The following USH2A variants were observed in gnomAD, a reference collection of about 807,000 sequenced individuals.
USH2A encodes the protein Usher syndrome 2A (autosomal recessive, mild).
USH2A carries 443 observed loss-of-function variants against 538.9 expected under a neutral mutation model. The observed-to-expected ratio is 0.82, with a 90% CI of 0.76 to 0.89. The LOEUF is 0.89. Among genes scored for constraint, USH2A ranks in the 40% least tolerant of loss-of-function variants. The pLI is 0.00. For missense variants in USH2A, 6,633 were observed against 6,324.8 expected, an observed-to-expected ratio of 1.05 and a Z score of -1.65; for synonymous variants, 2,413 against 2,273.5, an observed-to-expected ratio of 1.06 and a Z score of -1.75.
intron 11 of USH2A, among the ~76,000 whole-genome samples, chr1:216,252,799 G>A (rs1214461338): frequency 6.6e-6 from 1 of 152,164 alleles, no homozygotes; most frequent in Non-Finnish European, 1.5e-5. Flanking sequence ...CATTACTCAA[G>A]ACAGAGATTT....
At chr1:215,638,048 G>A (rs1052231900) in intron 69 of USH2A, among the ~76,000 whole-genome samples, 16 of 152,178 alleles carry the variant, frequency 1.1e-4, no homozygotes, top group South Asian at 8.3e-4. Context: ...TAAATTACCC[G>A]ATATCAACAG....
chr1:216,173,856 T>C (rs549720227), intron 21 of USH2A: 2 of 645,562 alleles, frequency 3.1e-6, no homozygotes, highest in African/African-American at 2.0e-5. Context: ...AAGCCAAATA[T>C]TGGATCAGGG....
intron 38 of USH2A, chr1:215,901,194 T>C (rs1257876174): frequency 2.3e-6 from 1 of 440,006 alleles, no homozygotes; most frequent in Admixed American, 3.5e-5. Flanking sequence ...ATTGAAAACA[T>C]GGAGGGAATT....
intron 21 of USH2A, among the ~76,000 whole-genome samples, chr1:216,118,530 A>G (rs2033060243): frequency 6.6e-6 from 1 of 152,100 alleles, no homozygotes; most frequent in Non-Finnish European, 1.5e-5. Flanking sequence ...AGTCCAGTAA[A>G]TCCTTACTCT....
At chr1:216,246,542 G>C (rs761828882) in intron 13 of USH2A, 43 bp downstream of exon 13, 1 of 1,613,448 alleles carries the variant, frequency 6.2e-7, no homozygotes, top group Non-Finnish European at 8.5e-7. Context: ...TTAACAAAAG[G>C]AATGTCATTG....
intron 32 of USH2A, among the ~76,000 whole-genome samples, chr1:216,015,243 G>A (rs926113253): frequency 2.4e-4 from 37 of 152,044 alleles, no homozygotes; most frequent in African/African-American, 7.7e-4. Context: ...ACACATCTTC[G>A]GCAGCAAACC....
chr1:215,634,727 G>A (rs755529190), intron 69 of USH2A, 24 bp from the exon 70 acceptor site: 1 of 1,614,176 alleles, frequency 6.2e-7, no homozygotes, highest in Admixed American at 1.7e-5. Context: ...AGAAAGAAAG[G>A]GGAAATGTTA....
rs768354522 is a variant in USH2A, at chr1:215,844,304, T to C, written c.9248A>G (p.Tyr3083Cys). ...AAACAATGTTCTAACCTGAATGTCA[T>C]AGATAGTGAAGGGAGACAGGTCTCT... is the stretch of plus-strand genomic sequence containing the variant. ...ILRDLSPFTI[Y>C]DIQVEVCTIY... is the part of the protein sequence containing the mutation. The change falls in exon 46 of 72, where the codon TAT (tyrosine) becomes TGT (cysteine). Residue 3083 changes from tyrosine (Y) to cysteine (C), a missense_variant. Physicochemically the swap from Tyr to Cys is radical, Grantham distance 194. Coordinates refer to ENST00000307340, the MANE Select transcript of USH2A (RefSeq NM_206933.4). 3.1e-6 allele frequency: 5 copies of C among 1,613,598 alleles called. No homozygotes were observed. The highest frequency in any genetic ancestry group is 1.3e-5 in the African/African-American group (1 of 75,036).
chr1:216,096,569 T>G (rs2032445625), intron 22 of USH2A, among the ~76,000 whole-genome samples: 1 of 152,216 alleles, frequency 6.6e-6, no homozygotes, highest in South Asian at 2.1e-4. Flanking sequence ...AATCTTTATT[T>G]TGATACAATT....
Position 215,844,622 on chromosome 1 carries a change from G to T in USH2A, c.9056-126C>A, listed in dbSNP as rs1438760252. On this transcript the variant is annotated intron_variant, in intron 45 of 71. Transcript: ENST00000307340. ...CGCTTATCTGCTTTTCGCTGATGAA[G>T]TTATCACAGTCTGTAGTCCTCTGTA... The T allele has an allele frequency of 1.3e-5, 12 of 955,610 alleles. No homozygotes were observed. The East Asian group carries it at 3.1e-4, about 25-fold the overall frequency. The allele number at this position is 955,610 out of a possible 1,614,324, so 59.2% of individuals were successfully genotyped here.
chr1:216,363,561 T>A (rs2038536335), intron 4 of USH2A, among the ~76,000 whole-genome samples: 1 of 152,078 alleles, frequency 6.6e-6, no homozygotes, highest in Non-Finnish European at 1.5e-5. Context: ...GATTGATAGA[T>A]TGATGGTTGA....
At chr1:215,839,575 T>A (rs1663619867) in intron 46 of USH2A, among the ~76,000 whole-genome samples, 1 of 152,158 alleles carries the variant, frequency 6.6e-6, no homozygotes, top group Admixed American at 6.5e-5. Flanking sequence ...TTTCTTTTGA[T>A]TCATTGGTCA....
At chr1:215,823,784 T>C (rs1663078515) in intron 47 of USH2A, among the ~76,000 whole-genome samples, 1 of 152,010 alleles carries the variant, frequency 6.6e-6, no homozygotes, top group African/African-American at 2.4e-5. Flanking sequence ...CTCAAGTTTG[T>C]TGATGCTTTC....
intron 58 of USH2A, among the ~76,000 whole-genome samples, chr1:215,758,141 C>G (rs1039083164): frequency 6.6e-6 from 1 of 151,986 alleles, no homozygotes; most frequent in Admixed American, 6.6e-5. Context: ...ACAAAATTAG[C>G]CGGGCATGGT....
chr1:216,064,605 G>C (rs533795059), intron 30 of USH2A, among the ~76,000 whole-genome samples: 6 of 151,794 alleles, frequency 4.0e-5, no homozygotes, highest in Non-Finnish European at 8.8e-5. Flanking sequence ...ATAATGTTTT[G>C]GTCAACAACA....
At chr1:215,784,627 G>T (rs920171215) in intron 52 of USH2A, among the ~76,000 whole-genome samples, 1 of 152,128 alleles carries the variant, frequency 6.6e-6, no homozygotes, top group Non-Finnish European at 1.5e-5. Context: ...GTCAGCACTG[G>T]TATTGTCAGC....
rs180842907 is a variant in USH2A, at chr1:215,842,506, C to T, written c.9258+1788G>A. On this transcript the variant is annotated intron_variant, in intron 46 of 71. Coordinates refer to ENST00000307340, the MANE Select transcript of USH2A (RefSeq NM_206933.4). ...TCATTCTATTATAAAGATACAAGCACATATATGTTCATTGCAGCACTATTA... is the reference window on the plus strand; with the variant it reads ...TCATTCTATTATAAAGATACAAGCATATATATGTTCATTGCAGCACTATTA... Among the ~76,000 whole-genome samples, 192 of 152,268 alleles carry T rather than the reference C, an allele frequency of 1.3e-3. 1 individual carries two copies. Among genetic ancestry groups the T allele is most frequent in the Admixed American group, 3.4e-3 (52 of 15,282 alleles).
rs2102666979 is a variant in USH2A at position 215,675,488 on chromosome 1, T to C, written c.12423A>G (p.Ala4141=). ...TCCACAGAGGCTGAGGCGCCGAGTG[T>C]GCACAACCTGCTCTGGTGCAGGCCT... The part of the protein sequence containing the change: ...TLEACTRAGC[A]HSAPQPLWTD... The change falls in exon 63 of 72, where the codon GCA becomes GCG. Residue 4141 remains alanine, a synonymous_variant. Transcript: ENST00000307340. 1 of 1,614,074 alleles carries C rather than the reference T, an allele frequency of 6.2e-7. No individual in the cohort carries two copies. The highest frequency in any genetic ancestry group is 8.5e-7 in the Non-Finnish European group (1 of 1,179,982).
At chr1:215,818,107 T>C (rs948819282) in intron 47 of USH2A, among the ~76,000 whole-genome samples, 1 of 151,984 alleles carries the variant, frequency 6.6e-6, no homozygotes, top group Non-Finnish European at 1.5e-5. Flanking sequence ...ATGCAAACTA[T>C]GTTTTAATCA....
Sources: allele counts gnomAD v4.1 joint callset (sites outside exome capture counted in the v4.1 genomes callset), GRCh38; gene constraint gnomAD v4.1.1; transcripts MANE v1.5; gene names NCBI Gene and HGNC (gene_info 2026-07-23, HGNC 2026-07-21).